CGGBP1: variants seen among roughly 807,000 people sequenced by gnomAD.
CGGBP1 encodes CGG triplet repeat binding protein 1, also known as CGG triplet repeat-binding protein 1.
CGGBP1 carries 4 observed loss-of-function variants against 11.4 expected under a neutral mutation model. The observed-to-expected ratio is 0.35, with a 90% CI of 0.17 to 0.80. The LOEUF is 0.80. Ranked by LOEUF, CGGBP1 falls within the 30% of genes least tolerant of loss-of-function variation. The probability of loss-of-function intolerance (pLI) is 0.52; values close to 1 mark genes in which losing one functional copy is unlikely to be tolerated. For missense variants in CGGBP1, 135 were observed against 202.1 expected, an observed-to-expected ratio of 0.67 and a Z score of 2.01; for synonymous variants, 76 against 74.1, an observed-to-expected ratio of 1.03 and a Z score of -0.13.
At chr3:88,070,401 C>A (rs1198932509) in intron 2 of CGGBP1, among the ~76,000 whole-genome samples, 1 of 151,484 alleles carries the variant, frequency 6.6e-6, no homozygotes, top group African/African-American at 2.4e-5. Context: ...GTTTTATTTG[C>A]ATTTTCTTGG....
At position 88,133,003 on chromosome 3, in the gene CGGBP1, A is replaced by T. The variant is rs114281755; in HGVS notation, c.-229+7967T>A. Among the ~76,000 whole-genome samples the T allele has an allele frequency of 2.7e-3, 406 of 152,298 alleles. 2 individuals are homozygous for T. Among genetic ancestry groups the T allele is most frequent in the African/African-American group, 8.5e-3 (354 of 41,582 alleles). The stretch of plus-strand genomic sequence containing the variant: ...GCTACCAGGGACACTGATACTGCTA[A>T]TGTTTTTCAAAATCTGTTTCTTTTC... On this transcript the variant is annotated intron_variant, in intron 2 of 3. Transcript: ENST00000462901.
intron 2 of CGGBP1, among the ~76,000 whole-genome samples, chr3:88,090,567 GAAA>G (rs1405471692): frequency 6.6e-6 from 1 of 152,028 alleles, no homozygotes; most frequent in African/African-American, 2.4e-5. Flanking sequence ...TATTATTAAA[GAAA>G]AAAATTTTTA....
At chr3:88,148,211 A>G (rs1323328761) in intron 1 of CGGBP1, among the ~76,000 whole-genome samples, 2 of 152,122 alleles carry the variant, frequency 1.3e-5, no homozygotes, top group African/African-American at 2.4e-5. Flanking sequence ...TTTCCATAGC[A>G]TCTCCTGGCC....
chr3:88,082,851 C>T (rs1708151229), intron 2 of CGGBP1, among the ~76,000 whole-genome samples: 1 of 152,178 alleles, frequency 6.6e-6, no homozygotes, highest in African/African-American at 2.4e-5. Context: ...AATTTATTTT[C>T]TCACAGTTCT....
At chr3:88,081,227 C>G (rs927447277) in intron 2 of CGGBP1, among the ~76,000 whole-genome samples, 1 of 152,128 alleles carries the variant, frequency 6.6e-6, no homozygotes, top group African/African-American at 2.4e-5. Context: ...TGAAGAGATT[C>G]ATGATGATAA....
At chr3:88,089,890 G>A (rs1708543160) in intron 2 of CGGBP1, among the ~76,000 whole-genome samples, 1 of 152,210 alleles carries the variant, frequency 6.6e-6, no homozygotes, top group Admixed American at 6.5e-5. Flanking sequence ...TTTCATATGA[G>A]ATGGTGGTAC....
At chr3:88,121,832 T>C (rs756612584) in intron 2 of CGGBP1, among the ~76,000 whole-genome samples, 25 of 152,198 alleles carry the variant, frequency 1.6e-4, no homozygotes, top group Non-Finnish European at 2.9e-4. Context: ...TATGAGTGAA[T>C]TGGATAGGTG....
intron 2 of CGGBP1, chr3:88,128,842 T>C: frequency 6.5e-7 from 1 of 1,535,506 alleles, no homozygotes; most frequent in Non-Finnish European, 8.7e-7. Flanking sequence ...AATCCACTGT[T>C]CTTTGAACTA....
At chr3:88,098,057 C>T (rs546835196) in intron 2 of CGGBP1, among the ~76,000 whole-genome samples, 29 of 151,888 alleles carry the variant, frequency 1.9e-4, no homozygotes, top group African/African-American at 2.4e-4. Context: ...GTTTTTGAAA[C>T]GATCAACAAA....
intron 2 of CGGBP1, among the ~76,000 whole-genome samples, chr3:88,081,991 T>A (rs1396158312): frequency 6.6e-6 from 1 of 152,232 alleles, no homozygotes; most frequent in Non-Finnish European, 1.5e-5. Flanking sequence ...TTTAGGTATT[T>A]AGAAAATTAG....
At chr3:88,076,278 C>G (rs140547951) in intron 2 of CGGBP1, among the ~76,000 whole-genome samples, 41 of 152,296 alleles carry the variant, frequency 2.7e-4, no homozygotes, top group African/African-American at 9.1e-4. Context: ...CTGGTTCACT[C>G]TTGACATTTC....
At chr3:88,086,545 A>T in intron 2 of CGGBP1, 1 of 765,578 alleles carries the variant, frequency 1.3e-6, no homozygotes, top group South Asian at 3.0e-5. Context: ...TGAAGTATTC[A>T]GGTTTAATTT....
At chr3:88,087,232 C>T (rs1157247763) in intron 2 of CGGBP1, among the ~76,000 whole-genome samples, 1 of 152,002 alleles carries the variant, frequency 6.6e-6, no homozygotes, top group East Asian at 1.9e-4. Context: ...TGTGCACCAC[C>T]ATGCCTGGAT....
intron 2 of CGGBP1, among the ~76,000 whole-genome samples, chr3:88,129,343 A>C (rs939489181): frequency 6.6e-6 from 1 of 151,074 alleles, no homozygotes; most frequent in African/African-American, 2.4e-5. Flanking sequence ...AAAAAAAAAA[A>C]AACCCAAGAA....
chr3:88,056,042 T>C, intron 3 of CGGBP1, 43 bp from the exon 4 acceptor site: 1 of 1,423,346 alleles, frequency 7.0e-7, no homozygotes, highest in Non-Finnish European at 9.5e-7. Context: ...ATAACAACAG[T>C]TCATTCTGGA....
chr3:88,141,077 A>G (rs1359842979), exon 2 of CGGBP1: 1 of 1,541,588 alleles, frequency 6.5e-7, no homozygotes, highest in Non-Finnish European at 8.7e-7. Flanking sequence ...TAGTAGAGGT[A>G]TCTGTAGAAA....
intron 2 of CGGBP1, among the ~76,000 whole-genome samples, chr3:88,065,892 C>A (rs563668097): frequency 5.3e-5 from 8 of 152,036 alleles, no homozygotes; most frequent in Non-Finnish European, 1.2e-4. Flanking sequence ...CACCACCATG[C>A]CCGGCTAAAT....
chr3:88,090,408 T>TA (rs1174620405), intron 2 of CGGBP1, among the ~76,000 whole-genome samples: 6 of 152,052 alleles, frequency 3.9e-5, no homozygotes, highest in African/African-American at 1.4e-4. Flanking sequence ...AAAAAATTTT[T>TA]AAAAATGGAA....
At chr3:88,139,544 C>T in intron 2 of CGGBP1, 1 of 1,613,416 alleles carries the variant, frequency 6.2e-7, no homozygotes, top group Non-Finnish European at 8.5e-7. Flanking sequence ...CTAGTTCTTC[C>T]ATTTCATTTG....
Sources: gnomAD v4.1 joint callset for allele counts (sites outside exome capture counted in the v4.1 genomes callset) on GRCh38, gnomAD v4.1.1 for gene constraint, MANE v1.5 for transcripts, NCBI Gene and HGNC (gene_info 2026-07-23, HGNC 2026-07-21) for gene names.